CNTN6: variants seen among roughly 807,000 people sequenced by gnomAD.
The protein encoded by CNTN6 is contactin-6.
CNTN6 carries 137 observed loss-of-function variants against 122.8 expected under a neutral mutation model. The observed-to-expected ratio is 1.12, with a 90% CI of 0.97 to 1.29. CNTN6 has a LOEUF of 1.29. Among genes scored for constraint, CNTN6 ranks in the 50% most tolerant of loss-of-function variants. The pLI, the probability that CNTN6 is intolerant of heterozygous loss-of-function variation, is 0.00. For synonymous variants in CNTN6, 570 were observed against 426.0 expected (o/e 1.34, Z -4.16); for missense variants, 1,634 against 1,223.4 (o/e 1.34, Z -5.01).
intron 2 of CNTN6, among the ~76,000 whole-genome samples, chr3:1,209,412 T>G (rs1023175958): frequency 6.6e-6 from 1 of 152,168 alleles, no homozygotes; most frequent in Non-Finnish European, 1.5e-5. Flanking sequence ...GCTTCTCTTC[T>G]TCACATCTTT....
intron 4 of CNTN6, among the ~76,000 whole-genome samples, chr3:1,262,043 C>A (rs1437252184): frequency 2.0e-5 from 3 of 152,162 alleles, no homozygotes; most frequent in Non-Finnish European, 4.4e-5. Context: ...GACAACTGGA[C>A]AGTGATCTCC....
intron 4 of CNTN6, among the ~76,000 whole-genome samples, chr3:1,247,078 A>C (rs2094592626): frequency 6.6e-6 from 1 of 152,156 alleles, no homozygotes; most frequent in African/African-American, 2.4e-5. Flanking sequence ...AAGTTTAAGA[A>C]CTGTTTTCCT....
intron 17 of CNTN6, among the ~76,000 whole-genome samples, chr3:1,382,433 A>T (rs1280674588): frequency 6.6e-6 from 1 of 152,216 alleles, no homozygotes; most frequent in Non-Finnish European, 1.5e-5. Flanking sequence ...TGCCTAAAAA[A>T]ATGATGGGAG....
At chr3:1,098,154 G>A (rs1574822005) in intron 1 of CNTN6, among the ~76,000 whole-genome samples, 3 of 152,110 alleles carry the variant, frequency 2.0e-5, no homozygotes, top group African/African-American at 7.2e-5. Flanking sequence ...GTTAGTGGGT[G>A]CAGTGCACCA....
intron 20 of CNTN6, among the ~76,000 whole-genome samples, chr3:1,389,829 G>A (rs1420850880): frequency 6.6e-6 from 1 of 151,454 alleles, no homozygotes; most frequent in East Asian, 1.9e-4. Context: ...TTACATAATG[G>A]TAAAGGGATC....
At chr3:1,304,830 A>T (rs1177809103) in intron 7 of CNTN6, among the ~76,000 whole-genome samples, 1 of 151,658 alleles carries the variant, frequency 6.6e-6, no homozygotes, top group African/African-American at 2.4e-5. Flanking sequence ...CCTTATCTAC[A>T]AAAAATACAA....
intron 1 of CNTN6, among the ~76,000 whole-genome samples, chr3:1,115,727 G>A (rs1180721004): frequency 6.6e-6 from 1 of 152,062 alleles, no homozygotes; most frequent in Non-Finnish European, 1.5e-5. Context: ...ACTCCCACAT[G>A]GGCAACAGGG....
intron 4 of CNTN6, among the ~76,000 whole-genome samples, chr3:1,252,953 T>C (rs973223498): frequency 1.3e-5 from 2 of 152,204 alleles, no homozygotes; most frequent in African/African-American, 2.4e-5. Context: ...AAAGAAGGTA[T>C]AGCATGAACA....
chr3:1,296,824 A>G (rs1172256893), intron 6 of CNTN6, among the ~76,000 whole-genome samples: 1 of 152,134 alleles, frequency 6.6e-6, no homozygotes. Context: ...TGAGCCAACA[A>G]TATACTTGGA....
chr3:1,294,490 G>T (rs759058499), intron 5 of CNTN6, among the ~76,000 whole-genome samples: 6 of 152,148 alleles, frequency 3.9e-5, no homozygotes, highest in Non-Finnish European at 7.4e-5. Context: ...CATTTTACTT[G>T]GGGAAGGATG....
rs1361234286 is a variant in CNTN6 at position 1,401,556 on chromosome 3, A to T, written c.2817+11A>T. On this transcript the variant is annotated intron_variant, in intron 21 of 22. Transcript: ENST00000446702. ...GTTTTGGGGTACAAGGTGAGTTTTT[A>T]GTTTTTCCTTTAATCATATCAATTA... 6.3e-7 allele frequency: 1 copy of T among 1,578,840 alleles called. No homozygotes were observed. Among genetic ancestry groups the T allele is most frequent in the Non-Finnish European group, 8.7e-7 (1 of 1,152,656 alleles).
intron 11 of CNTN6, among the ~76,000 whole-genome samples, chr3:1,351,553 GT>G (rs5846109): frequency 0.75 from 104,433 of 138,456 alleles, 39,531 homozygotes; most frequent in Middle Eastern, 0.8. Context: ...AAATCTCAGG[GT>G]TTTTTTTTTT....
chr3:1,341,973 C>T (rs1329766035), intron 11 of CNTN6, among the ~76,000 whole-genome samples: 1 of 152,124 alleles, frequency 6.6e-6, no homozygotes, highest in East Asian at 1.9e-4. Flanking sequence ...AAAACCCTTT[C>T]AGTTAACTAC....
rs567139037 is a variant in CNTN6 at position 1,321,499 on chromosome 3, T to C, written c.762-151T>C. ...TTAAATAAATGACTGATTGAGTGAA[T>C]GGCGAATGATTGCATGATCTGAAAA... On this transcript the variant is annotated intron_variant, in intron 7 of 22. Coordinates refer to ENST00000446702, the MANE Select transcript of CNTN6 (RefSeq NM_001289080.2). 1.4e-4 allele frequency: 94 copies of C among 682,038 alleles called. 3 individuals carry two copies. The South Asian group carries it at 2.0e-3, about 15-fold the overall frequency. The allele number at this position is 682,038 out of a possible 1,614,324, so 42.2% of individuals were successfully genotyped here.
chr3:1,255,092 G>A (rs2094731573), intron 4 of CNTN6, among the ~76,000 whole-genome samples: 1 of 152,064 alleles, frequency 6.6e-6, no homozygotes, highest in African/African-American at 2.4e-5. Context: ...CTTTTACCAT[G>A]GTAGCTGGGT....
intron 22 of CNTN6, chr3:1,402,847 C>T (rs1576128189): frequency 4.9e-6 from 1 of 202,084 alleles, no homozygotes; most frequent in Non-Finnish European, 1.0e-5. Context: ...GGTAAATATA[C>T]ACCCTTTCCC....
rs1708397804 is a variant in CNTN6 at position 1,367,453 on chromosome 3, G to A, written c.1493-4846G>A. On this transcript the variant is annotated intron_variant, in intron 12 of 22. Coordinates refer to ENST00000446702, the MANE Select transcript of CNTN6 (RefSeq NM_001289080.2). ...TCACACAGAGCCCTGTGCTGAGGAAGTCCCCATGTTTGAAATATTCTGCTG... is the reference window on the plus strand; with the variant it reads ...TCACACAGAGCCCTGTGCTGAGGAAATCCCCATGTTTGAAATATTCTGCTG... Among the ~76,000 whole-genome samples the A allele has an allele frequency of 2.0e-5, 3 of 151,940 alleles. No homozygotes were observed. In the East Asian group the frequency reaches 5.8e-4, roughly 29 times the overall value.
chr3:1,381,386 G>C (rs1324547226), intron 17 of CNTN6, among the ~76,000 whole-genome samples: 1 of 152,142 alleles, frequency 6.6e-6, no homozygotes, highest in African/African-American at 2.4e-5. Flanking sequence ...TTCTGTATTT[G>C]TTAGACTGTT....
chr3:1,173,834 C>G (rs906253753), intron 2 of CNTN6, among the ~76,000 whole-genome samples: 5 of 151,654 alleles, frequency 3.3e-5, no homozygotes, highest in Admixed American at 6.6e-5. Context: ...TCAGATATGC[C>G]ACTACATGCT....
Sources: gnomAD v4.1 joint callset for allele counts (sites outside exome capture counted in the v4.1 genomes callset) on GRCh38, gnomAD v4.1.1 for gene constraint, MANE v1.5 for transcripts, NCBI Gene and HGNC (gene_info 2026-07-23, HGNC 2026-07-21) for gene names.